Variants in CYP39A1 observed in about 807,000 individuals in gnomAD.
CYP39A1 encodes cytochrome P450 family 39 subfamily A member 1.
In CYP39A1, 49 loss-of-function variants were observed where a neutral mutation model predicts 58.1. That is an observed-to-expected ratio of 0.84 (90% confidence interval 0.67 to 1.07). The LOEUF (loss-of-function observed/expected upper bound fraction) is 1.07, where lower values mean the gene tolerates loss of function less well. Ranked by LOEUF, CYP39A1 falls within the 50% of genes least tolerant of loss-of-function variation. The pLI is 0.00. For synonymous variants in CYP39A1, 209 were observed against 187.6 expected (o/e 1.11, Z -0.93); for missense variants, 531 against 539.4 (o/e 0.98, Z 0.16).
In CYP39A1 at chr6:46,629,546, A is replaced by G. The variant is rs554811514; in HGVS notation, c.840+1417T>C. On this transcript the variant is annotated intron_variant, in intron 6 of 11. Coordinates refer to ENST00000275016, the MANE Select transcript of CYP39A1 (RefSeq NM_016593.5). ...TTCCACTGGCTAACATACCTTTGAG[A>G]AAAGAGGCCAGAATTTCTATCCCTT... Among the ~76,000 whole-genome samples, 3 of 152,342 alleles carry G rather than the reference A, an allele frequency of 2.0e-5. No homozygotes were observed. The South Asian group carries it at 6.2e-4, about 32-fold the overall frequency.
intron 5 of CYP39A1, among the ~76,000 whole-genome samples, chr6:46,633,397 T>C (rs1298655718): frequency 6.6e-6 from 1 of 152,144 alleles, no homozygotes; most frequent in Non-Finnish European, 1.5e-5. Flanking sequence ...AGAAATCACA[T>C]TTTACATTAA....
intron 10 of CYP39A1, among the ~76,000 whole-genome samples, chr6:46,571,183 G>C (rs1337392335): frequency 3.3e-5 from 5 of 152,124 alleles, no homozygotes; most frequent in African/African-American, 1.2e-4. Context: ...TGCTTGAGAA[G>C]AATGTATATG....
chr6:46,633,874 G>T (rs565867814), intron 5 of CYP39A1, among the ~76,000 whole-genome samples: 7 of 151,602 alleles, frequency 4.6e-5, no homozygotes, highest in African/African-American at 1.5e-4. Context: ...AAAAAAAAAT[G>T]CCACTGCCAC....
intron 10 of CYP39A1, among the ~76,000 whole-genome samples, chr6:46,564,184 T>C (rs1405164154): frequency 9.2e-6 from 1 of 108,112 alleles, no homozygotes; most frequent in Non-Finnish European, 1.6e-5. Context: ...TATTTTATTC[T>C]ATTTTATTTT....
chr6:46,561,458 G>A (rs764692420), intron 10 of CYP39A1, among the ~76,000 whole-genome samples: 5 of 152,052 alleles, frequency 3.3e-5, no homozygotes, highest in Non-Finnish European at 4.4e-5. Flanking sequence ...GGTACACTTG[G>A]CAGAGAGAAA....
chr6:46,575,374 G>A (rs1304820098), intron 10 of CYP39A1, among the ~76,000 whole-genome samples: 1 of 152,162 alleles, frequency 6.6e-6, no homozygotes, highest in East Asian at 1.9e-4. Flanking sequence ...CATGCAGTCT[G>A]ATTTGAGCAC....
chr6:46,631,685 G>T (rs1775670226), intron 5 of CYP39A1, among the ~76,000 whole-genome samples: 1 of 152,152 alleles, frequency 6.6e-6, no homozygotes, highest in Non-Finnish European at 1.5e-5. Flanking sequence ...AGACAGAACT[G>T]CCAAGCCAGA....
chr6:46,650,484 C>CTTTTTTTTTTTT (rs567314746), intron 1 of CYP39A1, among the ~76,000 whole-genome samples: 1 of 35,190 alleles, frequency 2.8e-5, no homozygotes, highest in Non-Finnish European at 4.6e-5. Flanking sequence ...CAGTCATATT[C>CTTTTTTTTTTTT]TTTTTTTTTT....
intron 7 of CYP39A1, among the ~76,000 whole-genome samples, chr6:46,605,114 G>A (rs571229204): frequency 3.3e-5 from 5 of 152,106 alleles, no homozygotes; most frequent in Non-Finnish European, 7.4e-5. Context: ...CATGTGGCCT[G>A]CGGACCTCAG....
intron 10 of CYP39A1, chr6:46,583,269 C>G (rs899893119): frequency 4.1e-6 from 4 of 985,154 alleles, no homozygotes; most frequent in Admixed American, 6.2e-5. Flanking sequence ...GAGTTTAAGC[C>G]ATATCAATTT....
At chr6:46,621,764 C>T (rs6458514) in intron 7 of CYP39A1, among the ~76,000 whole-genome samples, 1 of 151,906 alleles carries the variant, frequency 6.6e-6, no homozygotes, top group Non-Finnish European at 1.5e-5. Context: ...TCTTTCATAA[C>T]CTCTTTCAAA....
chr6:46,595,638 C>A (rs1773102295), intron 8 of CYP39A1, among the ~76,000 whole-genome samples: 2 of 151,864 alleles, frequency 1.3e-5, no homozygotes, highest in South Asian at 4.1e-4. Flanking sequence ...GGATACAAAA[C>A]TTCAGTTAGA....
At chr6:46,566,399 G>T (rs1452194344) in intron 10 of CYP39A1, among the ~76,000 whole-genome samples, 1 of 152,158 alleles carries the variant, frequency 6.6e-6, no homozygotes, top group Non-Finnish European at 1.5e-5. Flanking sequence ...AATCATGGTA[G>T]AAGGTGAAGG....
intron 7 of CYP39A1, among the ~76,000 whole-genome samples, chr6:46,598,112 A>G (rs977074575): frequency 6.6e-6 from 1 of 152,140 alleles, no homozygotes; most frequent in African/African-American, 2.4e-5. Flanking sequence ...GAAGGAGGAA[A>G]AAGGTTCATG....
chr6:46,567,718 T>C (rs1203028433), intron 10 of CYP39A1, among the ~76,000 whole-genome samples: 1 of 152,118 alleles, frequency 6.6e-6, no homozygotes, highest in East Asian at 1.9e-4. Context: ...GAGGTTTTGT[T>C]TGGAATATAT....
intron 7 of CYP39A1, among the ~76,000 whole-genome samples, chr6:46,619,290 T>C (rs1174646837): frequency 1.3e-5 from 2 of 152,190 alleles, no homozygotes; most frequent in Admixed American, 6.5e-5. Flanking sequence ...ACTAGCCATA[T>C]ATTCTTACAT....
At chr6:46,603,595 A>G (rs145415071) in intron 7 of CYP39A1, among the ~76,000 whole-genome samples, 1 of 152,270 alleles carries the variant, frequency 6.6e-6, no homozygotes, top group Non-Finnish European at 1.5e-5. Flanking sequence ...AGGACTCACA[A>G]ATGTCCCTGT....
chr6:46,587,123 C>A lies in CYP39A1; in HGVS notation c.1204G>T (p.Asp402Tyr). ...CCGCTTCCAAATGCCATGAAGCAGT[C>A]CAAGAAAGAGTGCTTCTCTAAATTT... is the stretch of plus-strand genomic sequence containing the variant. ...KANLEKHSFL[D>Y]CFMAFGSGKF... The change falls in exon 10 of 12, where the codon GAC becomes TAC. Residue 402 changes from aspartate to tyrosine, a missense_variant. By Grantham distance (160) the Asp-to-Tyr change is radical. Coordinates refer to ENST00000275016, the MANE Select transcript of CYP39A1 (RefSeq NM_016593.5). 6.2e-7 allele frequency: 1 copy of A among 1,612,214 alleles called. No homozygotes were observed. The highest frequency in any genetic ancestry group is 8.5e-7 in the Non-Finnish European group (1 of 1,179,192).
chr6:46,642,291 G>A lies in CYP39A1; in HGVS notation c.185C>T (p.Pro62Leu). ...TCCCATAGCAAAGACTGTAAATATT[G>A]GTCCATACTGAAATAAAACAAACAT... ...FIEKARIKYG[P>L]IFTVFAMGNR... Residue 62 changes from proline to leucine, a missense_variant, in exon 2 of 12, where the codon CCA (proline) becomes CTA (leucine). Pro to Leu is a moderately conservative substitution (Grantham distance 98). Coordinates refer to ENST00000275016, the MANE Select transcript of CYP39A1 (RefSeq NM_016593.5). The A allele has an allele frequency of 6.2e-7, 1 of 1,610,790 alleles. No individual in the cohort carries two copies. Among genetic ancestry groups the A allele is most frequent in the Non-Finnish European group, 8.5e-7 (1 of 1,178,600 alleles).
Sources: gnomAD v4.1 joint callset for allele counts (sites outside exome capture counted in the v4.1 genomes callset) on GRCh38, gnomAD v4.1.1 for gene constraint, MANE v1.5 for transcripts, NCBI Gene and HGNC (gene_info 2026-07-23, HGNC 2026-07-21) for gene names.